Variants in CNTNAP2 observed in about 807,000 individuals in gnomAD.
CNTNAP2 encodes contactin associated protein 2.
CNTNAP2 carries 98 observed loss-of-function variants against 155.2 expected under a neutral mutation model. The observed-to-expected ratio is 0.63, with a 90% confidence interval of 0.54 to 0.75. The LOEUF is 0.75. Ranked by LOEUF, CNTNAP2 falls within the 30% of genes least tolerant of loss-of-function variation. The pLI, the probability that CNTNAP2 is intolerant of heterozygous loss-of-function variation, is 0.00. For synonymous variants in CNTNAP2, 651 were observed against 631.2 expected (o/e 1.03, Z -0.47); for missense variants, 1,727 against 1,688.1 (o/e 1.02, Z -0.40).
chr7:147,234,172 A>G (rs1344649058), intron 8 of CNTNAP2, among the ~76,000 whole-genome samples: 1 of 151,998 alleles, frequency 6.6e-6, no homozygotes, highest in Non-Finnish European at 1.5e-5. Context: ...GCAAGTTTCC[A>G]TCCATCATCT....
At position 148,252,609 on chromosome 7, in the gene CNTNAP2, C is replaced by T. The variant is rs765257564; in HGVS notation, c.3382-14424C>T. ...GGGTCGGGGAGAGGGGTACACAGCA[C>T]ATTAACAAATCACTGCAAGTCATAG... On this transcript the variant is annotated intron_variant, in intron 20 of 23. Coordinates refer to ENST00000361727, the MANE Select transcript of CNTNAP2 (RefSeq NM_014141.6). 6.0e-4 allele frequency among the ~76,000 whole-genome samples: 92 copies of T among 152,182 alleles called. 1 individual carries two copies. Among genetic ancestry groups the T allele is most frequent in the Non-Finnish European group, 1.8e-4 (12 of 68,036 alleles).
chr7:147,476,096 T>G (rs1446812612), intron 10 of CNTNAP2, among the ~76,000 whole-genome samples: 1 of 151,898 alleles, frequency 6.6e-6, no homozygotes, highest in Admixed American at 6.6e-5. Flanking sequence ...TTTTATTTTT[T>G]ATTTTTATTT....
In CNTNAP2 at chr7:148,063,300, G is replaced by A. The variant is rs575131332; in HGVS notation, c.2384-54818G>A. On this transcript the variant is annotated intron_variant, in intron 15 of 23. Coordinates refer to ENST00000361727, the MANE Select transcript of CNTNAP2 (RefSeq NM_014141.6). ...TGGCCTTATGATATACCTCAGTGTA[G>A]TTTCTTCCATTCATGTTTTAATTTA... Among the ~76,000 whole-genome samples the A allele has an allele frequency of 3.3e-5, 5 of 151,890 alleles. No homozygotes were observed. The South Asian group carries it at 1.0e-3, about 32-fold the overall frequency.
At chr7:146,792,994 A>G (rs1168465654) in intron 2 of CNTNAP2, among the ~76,000 whole-genome samples, 10 of 152,198 alleles carry the variant, frequency 6.6e-5, no homozygotes, top group Admixed American at 5.2e-4. Context: ...GAAAAAAACT[A>G]AAAAGAAACA....
chr7:148,409,525 T>C, intron 23 of CNTNAP2, 54 bp downstream of exon 23: 1 of 1,462,364 alleles, frequency 6.8e-7, no homozygotes, highest in Non-Finnish European at 9.6e-7. Flanking sequence ...TGGAAAGTAA[T>C]AGTTGTCAAT....
At chr7:146,394,611 A>G (rs1314898107) in intron 1 of CNTNAP2, among the ~76,000 whole-genome samples, 1 of 152,140 alleles carries the variant, frequency 6.6e-6, no homozygotes, top group Non-Finnish European at 1.5e-5. Context: ...ATTTAAATAA[A>G]GTTTACTTGC....
chr7:148,258,610 A>C (rs1796499277), intron 20 of CNTNAP2, among the ~76,000 whole-genome samples: 1 of 152,196 alleles, frequency 6.6e-6, no homozygotes, highest in Non-Finnish European at 1.5e-5. Context: ...CTAGTTTAGA[A>C]GGACGGGTAG....
intron 21 of CNTNAP2, among the ~76,000 whole-genome samples, chr7:148,346,773 TAAAAAAAA>T (rs71188973): frequency 0.022 from 3,298 of 147,080 alleles, 40 homozygotes; most frequent in African/African-American, 0.042. Flanking sequence ...ACTCCATCTT[TAAAAAAAA>T]AAAAAAAAAA....
At chr7:147,607,621 C>T (rs10260664) in intron 12 of CNTNAP2, among the ~76,000 whole-genome samples, 101,124 of 151,264 alleles carry the variant, frequency 0.67, 34,036 homozygotes, top group African/African-American at 0.73. Context: ...AAGACACAGA[C>T]TGTGATGTGA....
intron 8 of CNTNAP2, among the ~76,000 whole-genome samples, chr7:147,223,259 C>G (rs1307183194): frequency 6.6e-6 from 1 of 152,266 alleles, no homozygotes; most frequent in East Asian, 1.9e-4. Flanking sequence ...AGGGAGGACT[C>G]TAAACATTTC....
chr7:146,545,723 A>T (rs528960213), intron 1 of CNTNAP2, among the ~76,000 whole-genome samples: 1 of 151,972 alleles, frequency 6.6e-6, no homozygotes, highest in South Asian at 2.1e-4. Context: ...ATGCTTTTAC[A>T]CTGCTGGGAG....
At chr7:147,164,525 A>G (rs1802083225) in intron 8 of CNTNAP2, among the ~76,000 whole-genome samples, 1 of 152,244 alleles carries the variant, frequency 6.6e-6, no homozygotes, top group Non-Finnish European at 1.5e-5. Context: ...TATGGAGTAC[A>G]CTGTGAACCA....
At chr7:146,510,038 A>AG (rs1390320364) in intron 1 of CNTNAP2, among the ~76,000 whole-genome samples, 1 of 152,048 alleles carries the variant, frequency 6.6e-6, no homozygotes, top group Non-Finnish European at 1.5e-5. Context: ...CCTGCTGACT[A>AG]CACCAATTGT....
At chr7:146,930,742 T>A (rs1796732538) in intron 3 of CNTNAP2, among the ~76,000 whole-genome samples, 2 of 152,072 alleles carry the variant, frequency 1.3e-5, no homozygotes, top group African/African-American at 4.8e-5. Flanking sequence ...TGGAGGAAGA[T>A]CTACCAAGCA....
At chr7:146,432,627 C>T (rs775419881) in intron 1 of CNTNAP2, among the ~76,000 whole-genome samples, 2 of 152,044 alleles carry the variant, frequency 1.3e-5, no homozygotes, top group Non-Finnish European at 2.9e-5. Flanking sequence ...AAAAACTCTG[C>T]CACTAATTCA....
intron 13 of CNTNAP2, among the ~76,000 whole-genome samples, chr7:147,786,216 G>A (rs1797736771): frequency 6.6e-6 from 1 of 152,192 alleles, no homozygotes; most frequent in African/African-American, 2.4e-5. Context: ...AGGTTGCAGT[G>A]AGCCAAGATT....
At chr7:147,720,335 A>C (rs1407899805) in intron 13 of CNTNAP2, among the ~76,000 whole-genome samples, 2 of 152,154 alleles carry the variant, frequency 1.3e-5, no homozygotes, top group Non-Finnish European at 2.9e-5. Flanking sequence ...CAGACTCTGA[A>C]GGTTAATGTA....
At chr7:147,474,333 C>T (rs886120795) in intron 10 of CNTNAP2, among the ~76,000 whole-genome samples, 1 of 152,040 alleles carries the variant, frequency 6.6e-6, no homozygotes, top group Non-Finnish European at 1.5e-5. Flanking sequence ...GTGGCTCACG[C>T]CTGTAATCCC....
At chr7:147,848,473 C>A (rs1798856767) in intron 13 of CNTNAP2, among the ~76,000 whole-genome samples, 1 of 150,456 alleles carries the variant, frequency 6.6e-6, no homozygotes, top group Non-Finnish European at 1.5e-5. Flanking sequence ...GGTGCGCACA[C>A]ACACTGGCCT....
Sources: allele counts gnomAD v4.1 joint callset (sites outside exome capture counted in the v4.1 genomes callset), GRCh38; gene constraint gnomAD v4.1.1; transcripts MANE v1.5; gene names NCBI Gene and HGNC (gene_info 2026-07-23, HGNC 2026-07-21).